The following BACE2 variants were observed in gnomAD, a reference collection of about 807,000 sequenced individuals.
BACE2 encodes the protein beta-secretase 2, also known as 56 kDa aspartic-like protease.
Under a neutral mutation model 46.2 loss-of-function variants are expected in BACE2, and 17 were observed. The ratio of observed to expected loss-of-function variants is 0.37; its 90% CI spans 0.25 to 0.55. The LOEUF (loss-of-function observed/expected upper bound fraction) is 0.55. Among genes scored for constraint, BACE2 ranks in the 20% least tolerant of loss-of-function variants. The probability of loss-of-function intolerance (pLI) is 0.82; values close to 1 mark genes in which losing one functional copy is unlikely to be tolerated. For synonymous variants in BACE2, 277 were observed against 295.9 expected (o/e 0.94, Z 0.66); for missense variants, 595 against 698.1 (o/e 0.85, Z 1.66).
In BACE2 at chr21:41,237,527, G is replaced by A. The variant is rs973891618; in HGVS notation, c.416G>A (p.Arg139His). The change falls in exon 3 of 9, where the codon CGC (arginine) becomes CAC (histidine). Residue 139 changes from arginine to histidine, a missense_variant. Arg to His is a conservative substitution (Grantham distance 29). Coordinates refer to ENST00000330333, the MANE Select transcript of BACE2 (RefSeq NM_012105.5). ...YFDTERSSTY[R>H]SKGFDVTVKY... ...TCTTTCTCCAGGTCTAGCACATACCGCTCCAAGGGCTTTGACGTCACAGTG... is the reference window on the plus strand; with the variant it reads ...TCTTTCTCCAGGTCTAGCACATACCACTCCAAGGGCTTTGACGTCACAGTG... 9.3e-6 allele frequency: 15 copies of A among 1,613,798 alleles called. No homozygotes were observed. In the Middle Eastern group the frequency reaches 4.9e-4, roughly 53 times the overall value.
At chr21:41,183,167 A>T (rs1985208192) in intron 1 of BACE2, 1 of 166,146 alleles carries the variant, frequency 6.0e-6, no homozygotes, top group Non-Finnish European at 1.5e-5. Context: ...TTTTAACTTT[A>T]TCTAGATCAC....
At position 41,168,294 on chromosome 21, in the gene BACE2, C is replaced by A. The variant is rs1016046084; in HGVS notation, c.31C>A (p.Pro11Thr). 13 of 1,280,374 alleles carry A rather than the reference C, an allele frequency of 1.0e-5. No homozygotes were observed. Among genetic ancestry groups the A allele is most frequent in the Non-Finnish European group, 1.2e-5 (12 of 1,015,628 alleles). The allele number at this position is 1,280,374 out of a possible 1,614,324, so 79.3% of individuals were successfully genotyped here. A position where few individuals can be genotyped will look rare whatever the true frequency, so the allele number is the denominator to read the frequency against. Residue 11 changes from proline to threonine, a missense_variant, in exon 1 of 9, where the codon CCT becomes ACT. Pro to Thr is a conservative substitution (Grantham distance 38, BLOSUM62 -1). Coordinates refer to ENST00000330333, the MANE Select transcript of BACE2 (RefSeq NM_012105.5). The stretch of plus-strand genomic sequence containing the variant: ...CGCACTGGCCCGGGCGCTGCTGCTG[C>A]CTCTGCTGGCCCAGTGGCTCCTGCG... MGALARALLL[P>T]LLAQWLLRAA...
intron 2 of BACE2, among the ~76,000 whole-genome samples, chr21:41,235,870 GA>G (rs1987103283): frequency 6.6e-6 from 1 of 152,120 alleles, no homozygotes; most frequent in South Asian, 2.1e-4. Flanking sequence ...ATGAATGAAT[GA>G]ATGAATGAAC....
At chr21:41,208,640 A>G (rs1490129997) in intron 1 of BACE2, among the ~76,000 whole-genome samples, 3 of 152,106 alleles carry the variant, frequency 2.0e-5, no homozygotes, top group Non-Finnish European at 4.4e-5. Context: ...TCTGATTCTG[A>G]TGCAGGGGGC....
At chr21:41,270,583 C>T (rs1281612373) in intron 8 of BACE2, among the ~76,000 whole-genome samples, 3 of 152,140 alleles carry the variant, frequency 2.0e-5, no homozygotes, top group Non-Finnish European at 2.9e-5. Flanking sequence ...CCACACCTGG[C>T]CACAAATGTG....
chr21:41,260,142 C>CTTTGT (rs1987896865), intron 8 of BACE2, among the ~76,000 whole-genome samples: 1 of 150,356 alleles, frequency 6.7e-6, no homozygotes, highest in African/African-American at 2.4e-5. Flanking sequence ...CCCAGCCTGT[C>CTTTGT]TTTGTTTTGT....
chr21:41,250,382 G>T (rs1987603393), intron 6 of BACE2, among the ~76,000 whole-genome samples: 1 of 152,194 alleles, frequency 6.6e-6, no homozygotes, highest in African/African-American at 2.4e-5. Context: ...CTTCTAAAGG[G>T]CCTCTGCCCT....
At chr21:41,257,015 C>A in intron 7 of BACE2, 143 bp from the exon 8 acceptor site, 1 of 820,480 alleles carries the variant, frequency 1.2e-6, no homozygotes. Context: ...TCCTGGATGG[C>A]AGGGTGAGAT....
At chr21:41,205,170 A>G (rs539963705) in intron 1 of BACE2, among the ~76,000 whole-genome samples, 6 of 152,358 alleles carry the variant, frequency 3.9e-5, no homozygotes, top group African/African-American at 1.4e-4. Context: ...TTGTAAAGCT[A>G]GGTCACAGCA....
In BACE2 at chr21:41,227,745, C is replaced by A. The variant is rs962777771; in HGVS notation, c.401+1391C>A. ...TCTTCATTGATATTCCCGGATACAA[C>A]TCCTGCCTATGATCACTATGTGCCC... On this transcript the variant is annotated intron_variant, in intron 2 of 8. Coordinates refer to ENST00000330333, the MANE Select transcript of BACE2 (RefSeq NM_012105.5). Among the ~76,000 whole-genome samples the A allele has an allele frequency of 1.3e-5, 2 of 152,194 alleles. 1 individual carries two copies. The highest frequency in any genetic ancestry group is 6.3e-3 in the Middle Eastern group (2 of 316).
intron 1 of BACE2, among the ~76,000 whole-genome samples, chr21:41,188,543 G>A (rs1247487606): frequency 6.6e-6 from 1 of 151,862 alleles, no homozygotes; most frequent in Non-Finnish European, 1.5e-5. Context: ...AGACGAGATG[G>A]TGGATTCCTA....
rs1414514993 is a variant in BACE2 at position 41,275,928 on chromosome 21, T to G, written c.*304T>G. ...AAAGTGTCTACATGTGCCACCAACA[T>G]AAAACAAAACCAAGCCTTGGCTCGT... On this transcript the variant is annotated 3_prime_UTR_variant, in exon 9 of 9. Coordinates refer to ENST00000330333, the MANE Select transcript of BACE2 (RefSeq NM_012105.5). The G allele has an allele frequency of 3.5e-5, 12 of 342,676 alleles. No individual in the cohort carries two copies. Among genetic ancestry groups the G allele is most frequent in the Middle Eastern group, 8.4e-4 (1 of 1,184 alleles). 21.2% of individuals were successfully genotyped at this position (342,676 alleles called of 1,614,324 possible). A position where few individuals can be genotyped will look rare whatever the true frequency, so the allele number is the denominator to read the frequency against.
chr21:41,172,657 T>C (rs527411241), intron 1 of BACE2, among the ~76,000 whole-genome samples: 1 of 152,206 alleles, frequency 6.6e-6, no homozygotes, highest in Admixed American at 6.5e-5. Flanking sequence ...CTTCTGGAGA[T>C]GATGTGGTTT....
At chr21:41,212,086 AT>A (rs971910110) in intron 1 of BACE2, among the ~76,000 whole-genome samples, 34 of 152,336 alleles carry the variant, frequency 2.2e-4, no homozygotes, top group African/African-American at 7.2e-4. Context: ...CTCTTAGTCC[AT>A]TTGGGCTGCT....
intron 1 of BACE2, chr21:41,182,156 TG>T (rs2123499501): frequency 6.0e-6 from 1 of 167,214 alleles, no homozygotes; most frequent in African/African-American, 2.4e-5. Context: ...TTACCTCTTC[TG>T]GCTGAGTGTT....
chr21:41,186,986 A>G (rs962178839), intron 1 of BACE2, among the ~76,000 whole-genome samples: 7 of 152,230 alleles, frequency 4.6e-5, no homozygotes, highest in South Asian at 2.1e-4. Flanking sequence ...GGTGTGTCCT[A>G]TGGAAAACTG....
At chr21:41,239,687 C>T (rs868673560) in intron 3 of BACE2, among the ~76,000 whole-genome samples, 36 of 152,330 alleles carry the variant, frequency 2.4e-4, no homozygotes, top group Middle Eastern at 6.8e-3. Flanking sequence ...TTATTCCCCC[C>T]ATTTTCAAGA....
At chr21:41,216,104 G>A (rs1986459280) in intron 1 of BACE2, among the ~76,000 whole-genome samples, 1 of 152,120 alleles carries the variant, frequency 6.6e-6, no homozygotes, top group Admixed American at 6.5e-5. Context: ...AGAGCAGGTG[G>A]CATTACTATT....
At chr21:41,270,883 A>G (rs1322721479) in intron 8 of BACE2, among the ~76,000 whole-genome samples, 3 of 152,328 alleles carry the variant, frequency 2.0e-5, no homozygotes, top group Middle Eastern at 6.8e-3. Context: ...TACTTGCTCT[A>G]TTATTGAGAA....
Sources: allele counts gnomAD v4.1 joint callset (sites outside exome capture counted in the v4.1 genomes callset), GRCh38; gene constraint gnomAD v4.1.1; transcripts MANE v1.5; gene names NCBI Gene and HGNC (gene_info 2026-07-23, HGNC 2026-07-21).